Variants in DSTYK observed in about 807,000 individuals in gnomAD.
DSTYK encodes the protein RIP-homologous kinase.
In DSTYK, 34 loss-of-function variants were observed where a neutral mutation model predicts 98.7. The observed-to-expected ratio is 0.34, with a 90% confidence interval of 0.26 to 0.46. The LOEUF (loss-of-function observed/expected upper bound fraction) is 0.46, where lower values mean the gene tolerates loss of function less well. Among genes scored for constraint, DSTYK ranks in the 20% least tolerant of loss-of-function variants. The pLI is 1.00. For synonymous variants in DSTYK, 462 were observed against 457.3 expected (o/e 1.01, Z -0.13); for missense variants, 962 against 1,181.7 (o/e 0.81, Z 2.73).
chr1:205,178,122 C>T (rs1182813427), intron 2 of DSTYK, among the ~76,000 whole-genome samples: 1 of 152,100 alleles, frequency 6.6e-6, no homozygotes, highest in Non-Finnish European at 1.5e-5. Flanking sequence ...AACAGAATCA[C>T]AGTCATAGCC....
intron 2 of DSTYK, among the ~76,000 whole-genome samples, chr1:205,182,648 G>A (rs1558617107): frequency 6.6e-6 from 1 of 151,268 alleles, no homozygotes; most frequent in Admixed American, 6.6e-5. Flanking sequence ...TCTACCAAAA[G>A]TACAAAAATT....
chr1:205,209,393 C>T (rs1163866150), intron 1 of DSTYK, among the ~76,000 whole-genome samples: 1 of 152,162 alleles, frequency 6.6e-6, no homozygotes, highest in African/African-American at 2.4e-5. Flanking sequence ...TTCCCATCAG[C>T]TGTTTTCTGG....
intron 3 of DSTYK, among the ~76,000 whole-genome samples, chr1:205,165,318 T>C (rs1469318165): frequency 6.6e-6 from 1 of 152,140 alleles, no homozygotes. Flanking sequence ...CTTGAACTCC[T>C]GACCTCAGGT....
rs901245072 is a variant in DSTYK, at chr1:205,159,603, T to C, written c.2182A>G (p.Ile728Val). The change falls in exon 9 of 13, where the codon ATT (isoleucine) becomes GTT (valine). Residue 728 changes from isoleucine to valine, a missense_variant. Around this residue, in one of 4 missense-constraint regions of DSTYK, gnomAD observed 660 missense variants for 855.0 expected, o/e 0.77. Transcript: ENST00000367162. ...IDYNYGGGSS[I>V]AVLLIMERLH... ...CGCTCCATAATGAGGAGCACAGCAA[T>C]GCTGGAGCCACCACCATAGTTGTAG... 12 of 1,613,786 alleles carry C rather than the reference T, an allele frequency of 7.4e-6. No individual in the cohort carries two copies. The East Asian group carries it at 2.2e-4, about 30-fold the overall frequency.
chr1:205,183,632 C>T (rs1445152238), intron 2 of DSTYK, among the ~76,000 whole-genome samples: 16 of 152,210 alleles, frequency 1.1e-4, no homozygotes, highest in Non-Finnish European at 1.5e-5. Flanking sequence ...TTACTACCCT[C>T]TTCACAAATC....
chr1:205,207,505 C>G (rs1484295355), intron 1 of DSTYK, among the ~76,000 whole-genome samples: 1 of 150,850 alleles, frequency 6.6e-6, no homozygotes, highest in Non-Finnish European at 1.5e-5. Flanking sequence ...AATCCCAGCA[C>G]TTTGGGAGGC....
chr1:205,210,517 A>G (rs572645875), intron 1 of DSTYK, among the ~76,000 whole-genome samples: 49 of 152,330 alleles, frequency 3.2e-4, no homozygotes, highest in Non-Finnish European at 5.0e-4. Context: ...GCAAGACGTT[A>G]GGAAAGATTA....
chr1:205,148,082 A>T, intron 12 of DSTYK, 123 bp downstream of exon 12: 2 of 1,178,164 alleles, frequency 1.7e-6, no homozygotes, highest in Non-Finnish European at 2.4e-6. Flanking sequence ...ATGACAGTTT[A>T]AACGTATCTA....
chr1:205,192,762 T>TGA (rs1658748947), intron 1 of DSTYK, among the ~76,000 whole-genome samples: 1 of 152,112 alleles, frequency 6.6e-6, no homozygotes, highest in African/African-American at 2.4e-5. Context: ...TTCGGGAGGC[T>TGA]GAGGCAGGAG....
chr1:205,211,692 C>A lies in DSTYK; in HGVS notation c.-157G>T. 9.8e-7 allele frequency: 1 copy of A among 1,016,024 alleles called. No homozygotes were observed. Among genetic ancestry groups the A allele is most frequent in the Non-Finnish European group, 1.4e-6 (1 of 737,526 alleles). The allele number at this position is 1,016,024 out of a possible 1,614,324, so 62.9% of individuals were successfully genotyped here. On this transcript the variant is annotated 5_prime_UTR_variant, in exon 1 of 13. Transcript: ENST00000367162. ...CAACCTCCGTCACTGCCGTTGCAAA[C>A]AAACCAAACCGCAGTGCGCCGCTAT...
At chr1:205,200,202 G>T (rs1558625922) in intron 1 of DSTYK, among the ~76,000 whole-genome samples, 1 of 151,838 alleles carries the variant, frequency 6.6e-6, no homozygotes, top group Admixed American at 6.6e-5. Context: ...GCGACCAGAT[G>T]ATTTTTTGTA....
At chr1:205,173,043 A>G (rs1360689213) in intron 2 of DSTYK, 1 of 152,224 alleles carries the variant, frequency 6.6e-6, no homozygotes, top group East Asian at 1.9e-4. Context: ...ACAACTGCAT[A>G]AATGACAACA....
rs183490737 is a variant in DSTYK at position 205,183,008 on chromosome 1, G to A, written c.654+4410C>T. On this transcript the variant is annotated intron_variant, in intron 2 of 12. Coordinates refer to ENST00000367162, the MANE Select transcript of DSTYK (RefSeq NM_015375.3). ...CCAGGCTGCAGGAATCCCATCTTAC[G>A]CTGAGCAAGTTTAATCACTTCTGCT... 1.8e-3 allele frequency among the ~76,000 whole-genome samples: 271 copies of A among 150,842 alleles called. 3 individuals carry two copies. Among genetic ancestry groups the A allele is most frequent in the African/African-American group, 3.4e-3 (140 of 41,136 alleles).
intron 1 of DSTYK, among the ~76,000 whole-genome samples, chr1:205,207,015 A>G (rs938593561): frequency 1.3e-5 from 2 of 152,038 alleles, no homozygotes; most frequent in African/African-American, 4.8e-5. Flanking sequence ...AGGTGAAACC[A>G]GGATTCAAAG....
intron 1 of DSTYK, among the ~76,000 whole-genome samples, chr1:205,198,935 G>A (rs1658948339): frequency 6.6e-6 from 1 of 151,324 alleles, no homozygotes; most frequent in African/African-American, 2.4e-5. Flanking sequence ...AGGTTCAGGC[G>A]ATTCTTCTGC....
At chr1:205,197,852 T>C (rs1174523386) in intron 1 of DSTYK, among the ~76,000 whole-genome samples, 2 of 152,178 alleles carry the variant, frequency 1.3e-5, no homozygotes, top group African/African-American at 4.8e-5. Context: ...TGCTCCAGTA[T>C]AGAACAGTCT....
At chr1:205,158,178 T>C (rs1366952561) in intron 9 of DSTYK, among the ~76,000 whole-genome samples, 1 of 152,194 alleles carries the variant, frequency 6.6e-6, no homozygotes, top group Non-Finnish European at 1.5e-5. Context: ...AGCTCACTTG[T>C]GGAAATGCAT....
Position 205,201,858 on chromosome 1 carries a change from G to A in DSTYK, c.265+9413C>T, listed in dbSNP as rs1427925670. The stretch of plus-strand genomic sequence containing the variant: ...GAGGATCACCTGAGGTCAGGAATTC[G>A]AGACCAGCCTGACCAACATGGTGAA... On this transcript the variant is annotated intron_variant, in intron 1 of 12. Coordinates refer to ENST00000367162, the MANE Select transcript of DSTYK (RefSeq NM_015375.3). Among the ~76,000 whole-genome samples, 12 of 152,214 alleles carry A rather than the reference G, an allele frequency of 7.9e-5. No homozygotes were observed. In the East Asian group the frequency reaches 2.3e-3, roughly 29 times the overall value.
At chr1:205,187,240 G>A in intron 2 of DSTYK, among the ~76,000 whole-genome samples, 178 bp downstream of exon 2, 1 of 152,192 alleles carries the variant, frequency 6.6e-6, no homozygotes, top group Admixed American at 6.5e-5. Flanking sequence ...AGGCAGGAAT[G>A]GGTATTGCTA....
Sources: allele counts gnomAD v4.1 joint callset (sites outside exome capture counted in the v4.1 genomes callset), GRCh38; gene constraint gnomAD v4.1.1; regional missense constraint gnomAD v4.1.1; transcripts MANE v1.5; gene names NCBI Gene and HGNC (gene_info 2026-07-23, HGNC 2026-07-21).